The following NUP98 variants were observed in gnomAD, a reference collection of about 807,000 sequenced individuals.
NUP98 encodes nuclear pore complex protein Nup98-Nup96.
In NUP98, 26 loss-of-function variants were observed where a neutral mutation model predicts 191.9. The ratio of observed to expected loss-of-function variants is 0.14; its 90% confidence interval spans 0.10 to 0.19. The LOEUF is 0.19. Among genes scored for constraint, NUP98 ranks in the 10% least tolerant of loss-of-function variants. The pLI is 1.00. For synonymous variants in NUP98, 808 were observed against 778.4 expected, an observed-to-expected ratio of 1.04 and a Z score of -0.63; for missense variants, 1,941 against 2,178.8, an observed-to-expected ratio of 0.89 and a Z score of 2.17.
intron 7 of NUP98, among the ~76,000 whole-genome samples, chr11:3,771,475 T>C (rs974054037): frequency 2.6e-5 from 4 of 152,178 alleles, no homozygotes; most frequent in African/African-American, 9.7e-5. Context: ...TGGAATGTTC[T>C]TCCCCCAGAA....
At chr11:3,719,357 AG>A (rs1171550700) in intron 18 of NUP98, 54 bp downstream of exon 18, 75 of 1,453,664 alleles carry the variant, frequency 5.2e-5, no homozygotes, top group South Asian at 1.1e-4. Flanking sequence ...TTATGTTTAC[AG>A]AAAAAAAAAT....
At position 3,762,985 on chromosome 11, in the gene NUP98, T is replaced by C. The variant is rs373436118; in HGVS notation, c.1003A>G (p.Thr335Ala). 31 of 1,614,008 alleles carry C rather than the reference T, an allele frequency of 1.9e-5. No individual in the cohort carries two copies. In the African/African-American group the frequency reaches 4.1e-4, roughly 22 times the overall value. ...AATGCTGTCCCAGTGCTGGTGTTTGTAGCTGTCCCAAAAAGACCTCCAGGC... is the reference window on the plus strand; with the variant it reads ...AATGCTGTCCCAGTGCTGGTGTTTGCAGCTGTCCCAAAAAGACCTCCAGGC... ...SQPGGLFGTA[T>A]NTSTGTAFGT... Residue 335 changes from threonine to alanine, a missense_variant, in exon 9 of 33, where the codon ACA becomes GCA. By Grantham distance (58) the Thr-to-Ala change is moderately conservative. Coordinates refer to ENST00000324932, the MANE Select transcript of NUP98 (RefSeq NM_016320.5).
At chr11:3,762,341 C>G (rs1376967006) in intron 9 of NUP98, among the ~76,000 whole-genome samples, 1 of 151,266 alleles carries the variant, frequency 6.6e-6, no homozygotes, top group Admixed American at 6.6e-5. Flanking sequence ...AGATTGGTCT[C>G]GAATTCCTGA....
intron 8 of NUP98, among the ~76,000 whole-genome samples, chr11:3,768,150 G>A (rs761970857): frequency 4.6e-5 from 7 of 152,176 alleles, no homozygotes; most frequent in South Asian, 2.1e-4. Flanking sequence ...GGCCGGGCAC[G>A]GTGGCTCATG....
chr11:3,795,455 TAAAC>T (rs945921839), intron 1 of NUP98, among the ~76,000 whole-genome samples: 3 of 151,914 alleles, frequency 2.0e-5, no homozygotes, highest in Admixed American at 6.6e-5. Flanking sequence ...CATAAATAAA[TAAAC>T]AAATAAATGT....
At chr11:3,795,294 AT>A (rs757959403) in intron 1 of NUP98, among the ~76,000 whole-genome samples, 7 of 152,080 alleles carry the variant, frequency 4.6e-5, no homozygotes, top group Non-Finnish European at 8.8e-5. Context: ...ATACAAAAAA[AT>A]ATTAGCTGGG....
intron 12 of NUP98, 93 bp downstream of exon 12, chr11:3,744,416 T>G: frequency 3.1e-6 from 4 of 1,288,268 alleles, no homozygotes; most frequent in Non-Finnish European, 4.3e-6. Flanking sequence ...ATGCAATGCC[T>G]TGGTAGGAAT....
chr11:3,687,146 T>G (rs1010739729), intron 28 of NUP98, among the ~76,000 whole-genome samples: 14 of 152,038 alleles, frequency 9.2e-5, no homozygotes, highest in African/African-American at 3.4e-4. Context: ...ATTGCCCAGG[T>G]TGGTCTTGAG....
At chr11:3,780,541 C>CAAAAAAAAAAAAAAAAA (rs142060672) in intron 2 of NUP98, among the ~76,000 whole-genome samples, 7 of 74,786 alleles carry the variant, frequency 9.4e-5, no homozygotes, top group Admixed American at 3.8e-4. Context: ...GACTCCATCT[C>CAAAAAAAAAAAAAAAAA]AAAAAAAAAA....
At position 3,676,277 on chromosome 11, in the gene NUP98, G is replaced by T. The variant is rs2077807671; in HGVS notation, c.5285C>A (p.Pro1762His). The change falls in exon 33 of 33, where the codon CCT becomes CAT. Residue 1762 changes from proline to histidine, a missense_variant. Transcript: ENST00000324932. ...SDSTPDPQRV[P>H]LRLLAPHIGR... The stretch of plus-strand genomic sequence containing the variant: ...AATGTGGGGAGCCAAGAGGCGCAAA[G>T]GGACTCGCTGAGGGTCTGGTGTTGA... The T allele has an allele frequency of 1.9e-6, 3 of 1,614,068 alleles. No homozygotes were observed. Among genetic ancestry groups the T allele is most frequent in the Non-Finnish European group, 2.5e-6 (3 of 1,180,056 alleles).
At chr11:3,680,871 TTTTC>T (rs1408967125) in intron 30 of NUP98, among the ~76,000 whole-genome samples, 1 of 151,908 alleles carries the variant, frequency 6.6e-6, no homozygotes, top group Non-Finnish European at 1.5e-5. Context: ...TTTGTTTTTC[TTTTC>T]TTTAAGACAG....
At chr11:3,680,521 C>T (rs778785236) in intron 30 of NUP98, among the ~76,000 whole-genome samples, 1 of 152,100 alleles carries the variant, frequency 6.6e-6, no homozygotes, top group Non-Finnish European at 1.5e-5. Context: ...GATATTTTGA[C>T]CTCCTTCCAT....
rs149652389 is a variant in NUP98 at position 3,719,238 on chromosome 11, A to T, written c.2399+174T>A. ...TAAAATCAGGGAAAAGGAGTTCAAA[A>T]TCACAGTATAGCATTTCTTTGCCAT... On this transcript the variant is annotated intron_variant, in intron 18 of 32. Coordinates refer to ENST00000324932, the MANE Select transcript of NUP98 (RefSeq NM_016320.5). 3.3e-5 allele frequency among the ~76,000 whole-genome samples: 5 copies of T among 152,330 alleles called. No individual in the cohort carries two copies. The East Asian group carries it at 9.6e-4, about 29-fold the overall frequency.
At position 3,724,873 on chromosome 11, in the gene NUP98, T is replaced by C. The variant is rs141970600; in HGVS notation, c.1847+230A>G. 1.1e-3 allele frequency among the ~76,000 whole-genome samples: 174 copies of C among 151,424 alleles called. 1 individual carries two copies. The highest frequency in any genetic ancestry group is 4.0e-3 in the African/African-American group (165 of 41,226). ...CATGCTAACCCTGTCCAAAACAAGA[T>C]ACACAAATACCAAAATAGTTCTGAA... On this transcript the variant is annotated intron_variant, in intron 15 of 32. Coordinates refer to ENST00000324932, the MANE Select transcript of NUP98 (RefSeq NM_016320.5).
At chr11:3,743,068 GA>G (rs1336591095) in intron 12 of NUP98, among the ~76,000 whole-genome samples, 1 of 151,844 alleles carries the variant, frequency 6.6e-6, no homozygotes, top group Non-Finnish European at 1.5e-5. Context: ...ACCCAGGTTG[GA>G]ATGTAGTGGC....
intron 10 of NUP98, among the ~76,000 whole-genome samples, chr11:3,755,421 C>A (rs2080925230): frequency 6.6e-6 from 1 of 151,688 alleles, no homozygotes; most frequent in African/African-American, 2.4e-5. Context: ...GCTGAGATCA[C>A]ACCACTGCAC....
intron 1 of NUP98, 117 bp from the exon 2 acceptor site, chr11:3,782,262 T>G: frequency 1.9e-6 from 1 of 537,400 alleles, no homozygotes; most frequent in Non-Finnish European, 3.3e-6. Flanking sequence ...TATACTCTCA[T>G]TCAAAATCCT....
intron 16 of NUP98, 102 bp downstream of exon 16, chr11:3,723,055 T>G: frequency 2.7e-6 from 3 of 1,113,536 alleles, no homozygotes; most frequent in Middle Eastern, 2.6e-4. Context: ...AAATAATACT[T>G]AAAATGCCAA....
intron 1 of NUP98, among the ~76,000 whole-genome samples, chr11:3,792,648 AAAG>A (rs763071239): frequency 9.9e-5 from 15 of 152,246 alleles, no homozygotes; most frequent in Middle Eastern, 3.4e-3. Flanking sequence ...AACAACAAAA[AAAG>A]AAGATCTGCA....
Sources: allele counts gnomAD v4.1 joint callset (sites outside exome capture counted in the v4.1 genomes callset), GRCh38; gene constraint gnomAD v4.1.1; transcripts MANE v1.5; gene names NCBI Gene and HGNC (gene_info 2026-07-23, HGNC 2026-07-21).